Variants in DNAJC15 observed in about 807,000 individuals in gnomAD.
DNAJC15 encodes dnaJ homolog subfamily C member 15.
Under a neutral mutation model 22.4 loss-of-function variants are expected in DNAJC15, and 27 were observed. That is an observed-to-expected ratio of 1.20 (90% CI 0.89 to 1.66). DNAJC15 has a LOEUF of 1.66. Ranked by LOEUF, DNAJC15 falls within the 40% of genes most tolerant of loss-of-function variation. DNAJC15 has a pLI of 0.00. For missense variants in DNAJC15, 208 were observed against 187.1 expected (o/e 1.11, Z -0.65); for synonymous variants, 79 against 63.2 (o/e 1.25, Z -1.19).
chr13:43,101,309 T>C (rs1047780383), intron 5 of DNAJC15, among the ~76,000 whole-genome samples: 4 of 152,194 alleles, frequency 2.6e-5, no homozygotes, highest in Admixed American at 1.3e-4. Context: ...ATTATAGGCA[T>C]TGAGCCACTG....
chr13:43,032,161 G>T (rs2040406804), intron 1 of DNAJC15, among the ~76,000 whole-genome samples: 1 of 152,172 alleles, frequency 6.6e-6, no homozygotes, highest in Admixed American at 6.5e-5. Flanking sequence ...TAATACCGTG[G>T]TTTCTTCCTT....
At chr13:43,102,002 C>T (rs1252683019) in intron 5 of DNAJC15, among the ~76,000 whole-genome samples, 1 of 152,210 alleles carries the variant, frequency 6.6e-6, no homozygotes, top group Non-Finnish European at 1.5e-5. Flanking sequence ...AAGGAATCTA[C>T]ATACTATTTT....
At chr13:43,032,456 CAG>C (rs1477714199) in intron 1 of DNAJC15, among the ~76,000 whole-genome samples, 3 of 152,188 alleles carry the variant, frequency 2.0e-5, no homozygotes, top group Non-Finnish European at 2.9e-5. Context: ...GTAAGGGTAA[CAG>C]TATTATTTTG....
intron 1 of DNAJC15, among the ~76,000 whole-genome samples, chr13:43,053,887 G>A (rs899429820): frequency 3.3e-5 from 5 of 152,224 alleles, no homozygotes; most frequent in East Asian, 1.9e-4. Flanking sequence ...CCTCTTTACC[G>A]ATTTGGATGC....
intron 5 of DNAJC15, among the ~76,000 whole-genome samples, 200 bp from the exon 6 acceptor site, chr13:43,106,978 T>G (rs1454844189): frequency 6.6e-6 from 1 of 152,064 alleles, no homozygotes; most frequent in Non-Finnish European, 1.5e-5. Context: ...CAGAGGTTTT[T>G]TTTTATTGTT....
intron 1 of DNAJC15, among the ~76,000 whole-genome samples, chr13:43,038,680 T>G (rs2040439583): frequency 1.3e-5 from 2 of 151,462 alleles, no homozygotes; most frequent in Non-Finnish European, 2.9e-5. Flanking sequence ...TAGTACCAGC[T>G]ACTCGGGAAG....
At chr13:43,070,217 T>G (rs2040602372) in intron 3 of DNAJC15, among the ~76,000 whole-genome samples, 1 of 152,154 alleles carries the variant, frequency 6.6e-6, no homozygotes, top group Non-Finnish European at 1.5e-5. Context: ...TAAACTTAGA[T>G]TCAAAAAAAC....
chr13:43,035,799 C>G (rs979208543), intron 1 of DNAJC15, among the ~76,000 whole-genome samples: 1 of 152,118 alleles, frequency 6.6e-6, no homozygotes, highest in Non-Finnish European at 1.5e-5. Flanking sequence ...TAGCTCACTG[C>G]AGTCTCAATT....
At chr13:43,097,152 G>T (rs2040743699) in intron 5 of DNAJC15, among the ~76,000 whole-genome samples, 1 of 152,212 alleles carries the variant, frequency 6.6e-6, no homozygotes, top group Non-Finnish European at 1.5e-5. Context: ...GGTAGAGAAT[G>T]GCAGCTGGAG....
At chr13:43,072,588 T>C (rs2040614187) in intron 3 of DNAJC15, among the ~76,000 whole-genome samples, 1 of 152,064 alleles carries the variant, frequency 6.6e-6, no homozygotes, top group South Asian at 2.1e-4. Flanking sequence ...AGCATTTTTT[T>C]TTTTTTTTTG....
intron 3 of DNAJC15, among the ~76,000 whole-genome samples, chr13:43,077,638 G>T (rs1593323970): frequency 6.6e-6 from 1 of 152,190 alleles, no homozygotes; most frequent in Non-Finnish European, 1.5e-5. Flanking sequence ...CTTCCTTTAG[G>T]CAAGGCAATT....
chr13:43,101,445 G>T lies in DNAJC15; in HGVS notation c.383-5733G>T, dbSNP rs1238753763. ...TACTTTTATTTCAGTAGTTTTGGGGGAACAAGTGGTGTTTGGTTGCATGGA... is the reference window on the plus strand; with the variant it reads ...TACTTTTATTTCAGTAGTTTTGGGGTAACAAGTGGTGTTTGGTTGCATGGA... On this transcript the variant is annotated intron_variant, in intron 5 of 5. Coordinates refer to ENST00000379221, the MANE Select transcript of DNAJC15 (RefSeq NM_013238.3). Among the ~76,000 whole-genome samples the T allele has an allele frequency of 3.9e-5, 6 of 152,158 alleles. No individual in the cohort carries two copies. In the East Asian group the frequency reaches 9.6e-4, roughly 24 times the overall value.
At chr13:43,067,904 C>T (rs1287747432) in intron 2 of DNAJC15, among the ~76,000 whole-genome samples, 1 of 152,096 alleles carries the variant, frequency 6.6e-6, no homozygotes, top group Non-Finnish European at 1.5e-5. Context: ...AGGGAATCAG[C>T]CTCATTTAAT....
intron 5 of DNAJC15, among the ~76,000 whole-genome samples, chr13:43,086,564 C>T (rs2040689832): frequency 6.6e-6 from 1 of 152,192 alleles, no homozygotes; most frequent in African/African-American, 2.4e-5. Flanking sequence ...TTGGATTCCT[C>T]TCCATCCTAA....
Position 43,114,001 on chromosome 13 carries a change from C to G in DNAJC15, c.*6753C>G, listed in dbSNP as rs2040836215. 1 of 152,204 alleles carries G rather than the reference C, an allele frequency of 6.6e-6. No homozygotes were observed. Among genetic ancestry groups the G allele is most frequent in the Admixed American group, 6.5e-5 (1 of 15,288 alleles). 9.4% of individuals were successfully genotyped at this position (152,204 alleles called of 1,614,324 possible). A position where few individuals can be genotyped will look rare whatever the true frequency, so the allele number is the denominator to read the frequency against. Reference sequence around the variant, plus strand: ...CTCTATCTCATTTTGTACTCGCTTACATACTACATTCTTGTTTGGGCTTTC... The same window carrying G: ...CTCTATCTCATTTTGTACTCGCTTAGATACTACATTCTTGTTTGGGCTTTC... On this transcript the variant is annotated 3_prime_UTR_variant, in exon 6 of 6. Coordinates refer to ENST00000379221, the MANE Select transcript of DNAJC15 (RefSeq NM_013238.3).
chr13:43,044,785 T>TA (rs1204694599), intron 1 of DNAJC15, among the ~76,000 whole-genome samples: 2 of 152,004 alleles, frequency 1.3e-5, no homozygotes, highest in African/African-American at 2.4e-5. Context: ...CTATTGGCCT[T>TA]ACCTCCGAAC....
At chr13:43,059,355 CAT>C (rs1052811454) in intron 1 of DNAJC15, among the ~76,000 whole-genome samples, 8 of 152,080 alleles carry the variant, frequency 5.3e-5, no homozygotes, top group Admixed American at 6.5e-5. Flanking sequence ...TCAGTGAGCT[CAT>C]ATATTTATAT....
At chr13:43,100,208 T>TTC in intron 5 of DNAJC15, among the ~76,000 whole-genome samples, 1 of 146,942 alleles carries the variant, frequency 6.8e-6, no homozygotes, top group Non-Finnish European at 1.5e-5. Context: ...TTGAAGTCTT[T>TTC]TTTTTTTTTT....
intron 1 of DNAJC15, among the ~76,000 whole-genome samples, chr13:43,026,608 G>GA (rs202134268): frequency 0.026 from 3,951 of 149,926 alleles, 144 homozygotes; most frequent in African/African-American, 0.087. Context: ...TATTAGGAAA[G>GA]AAAAAAAAAT....
Sources: gnomAD v4.1 joint callset for allele counts (sites outside exome capture counted in the v4.1 genomes callset) on GRCh38, gnomAD v4.1.1 for gene constraint, MANE v1.5 for transcripts, NCBI Gene and HGNC (gene_info 2026-07-23, HGNC 2026-07-21) for gene names.